The following XKR4 variants were observed in gnomAD, a reference collection of about 807,000 sequenced individuals.
XKR4 encodes XK related 4, also known as XK-related protein 4.
A neutral mutation model predicts 53.9 loss-of-function variants in XKR4; 12 were observed. The observed-to-expected ratio is 0.22, with a 90% CI of 0.14 to 0.36. The LOEUF is 0.36. Among genes scored for constraint, XKR4 ranks in the 10% least tolerant of loss-of-function variants. The pLI, the probability that XKR4 is intolerant of heterozygous loss-of-function variation, is 1.00. For synonymous variants in XKR4, 354 were observed against 362.4 expected, an observed-to-expected ratio of 0.98 and a Z score of 0.26; for missense variants, 799 against 859.5, an observed-to-expected ratio of 0.93 and a Z score of 0.88.
chr8:55,150,743 A>T (rs561148140), intron 1 of XKR4, among the ~76,000 whole-genome samples: 1 of 152,148 alleles, frequency 6.6e-6, no homozygotes, highest in East Asian at 1.9e-4. Context: ...ACAGCCATTT[A>T]TGTGTTTTTA....
chr8:55,339,300 C>A (rs904364171), intron 1 of XKR4, among the ~76,000 whole-genome samples: 12 of 152,180 alleles, frequency 7.9e-5, no homozygotes, highest in African/African-American at 2.9e-4. Flanking sequence ...TCTAACCCCC[C>A]TACAGTGAAG....
At chr8:55,192,320 G>A (rs540620526) in intron 1 of XKR4, among the ~76,000 whole-genome samples, 192 of 151,330 alleles carry the variant, frequency 1.3e-3, no homozygotes, top group Middle Eastern at 3.5e-3. Flanking sequence ...TAAGATAGAA[G>A]GGATATTTTC....
chr8:55,315,529 C>A (rs1160004585), intron 1 of XKR4, among the ~76,000 whole-genome samples: 1 of 152,160 alleles, frequency 6.6e-6, no homozygotes, highest in African/African-American at 2.4e-5. Context: ...ATGGGAATAA[C>A]TTGCCTGTAG....
At chr8:55,273,681 A>T (rs906748967) in intron 1 of XKR4, among the ~76,000 whole-genome samples, 69 of 151,314 alleles carry the variant, frequency 4.6e-4, no homozygotes, top group African/African-American at 1.6e-3. Context: ...GACAGCTCCG[A>T]CTCCCTATGA....
intron 2 of XKR4, among the ~76,000 whole-genome samples, chr8:55,503,528 T>C (rs561290761): frequency 1.1e-4 from 17 of 152,210 alleles, no homozygotes; most frequent in Non-Finnish European, 2.4e-4. Flanking sequence ...TGTTAGCATA[T>C]AGAAGCACAA....
At chr8:55,298,841 G>C (rs543265794) in intron 1 of XKR4, among the ~76,000 whole-genome samples, 1 of 152,180 alleles carries the variant, frequency 6.6e-6, no homozygotes, top group East Asian at 1.9e-4. Context: ...TTTTTTCTGA[G>C]CTATTCGAGA....
intron 2 of XKR4, among the ~76,000 whole-genome samples, chr8:55,469,645 T>C (rs1017987072): frequency 6.6e-6 from 1 of 152,004 alleles, no homozygotes; most frequent in African/African-American, 2.4e-5. Flanking sequence ...TTAAAAAAAA[T>C]TAAAAATCTA....
At chr8:55,386,025 C>G (rs1386095423) in intron 2 of XKR4, among the ~76,000 whole-genome samples, 1 of 152,094 alleles carries the variant, frequency 6.6e-6, no homozygotes, top group African/African-American at 2.4e-5. Flanking sequence ...TAAAATGAGT[C>G]TGAAGGCAGA....
At chr8:55,182,962 C>T (rs190532034) in intron 1 of XKR4, among the ~76,000 whole-genome samples, 12 of 152,012 alleles carry the variant, frequency 7.9e-5, no homozygotes, top group African/African-American at 2.4e-4. Context: ...TGTCTTAAAA[C>T]GTTTGTAATG....
intron 1 of XKR4, among the ~76,000 whole-genome samples, chr8:55,326,679 C>A (rs1803299800): frequency 6.6e-6 from 1 of 151,564 alleles, no homozygotes; most frequent in South Asian, 2.1e-4. Flanking sequence ...CCATGTTGCC[C>A]AAGCTGGTTT....
chr8:55,104,127 G>T (rs566171357), intron 1 of XKR4, among the ~76,000 whole-genome samples: 17 of 152,022 alleles, frequency 1.1e-4, no homozygotes, highest in Non-Finnish European at 2.4e-4. Flanking sequence ...GTTATAAACT[G>T]GAATACAAGG....
chr8:55,270,494 G>A (rs890288073), intron 1 of XKR4, among the ~76,000 whole-genome samples: 1 of 152,088 alleles, frequency 6.6e-6, no homozygotes, highest in Non-Finnish European at 1.5e-5. Flanking sequence ...ACCTCGTGTT[G>A]TTGTCTATCT....
rs1372193627 is a variant in XKR4 at position 55,357,716 on chromosome 8, A to C, written c.845A>C (p.Gln282Pro). The C allele has an allele frequency of 6.2e-7, 1 of 1,614,232 alleles. No individual in the cohort carries two copies. The highest frequency in any genetic ancestry group is 1.1e-5 in the South Asian group (1 of 91,090). The change falls in exon 2 of 3, where the codon CAG (glutamine) becomes CCG (proline). Residue 282 changes from glutamine to proline, a missense_variant. Physicochemically the swap from Gln to Pro is moderately conservative, Grantham distance 76. This residue lies in a region of XKR4 where 476 missense variants were observed against 505.4 expected (regional missense o/e 0.94). Coordinates refer to ENST00000327381, the MANE Select transcript of XKR4 (RefSeq NM_052898.2). ...HTIYLGIRSR[Q>P]SGENDRWRFY... ...ATATACTTAGGTATTCGAAGCCGAC[A>C]GAGTGGGGAGAATGACAGATGGAGG...
intron 1 of XKR4, among the ~76,000 whole-genome samples, chr8:55,343,439 C>T (rs914033870): frequency 1.3e-5 from 2 of 152,202 alleles, no homozygotes; most frequent in Non-Finnish European, 2.9e-5. Flanking sequence ...AGATGCTTTC[C>T]TCCTATTGAA....
At chr8:55,267,109 G>A (rs1818615162) in intron 1 of XKR4, among the ~76,000 whole-genome samples, 1 of 152,194 alleles carries the variant, frequency 6.6e-6, no homozygotes, top group Non-Finnish European at 1.5e-5. Flanking sequence ...AGAGCATGAG[G>A]ATGGTGAGGA....
intron 2 of XKR4, among the ~76,000 whole-genome samples, chr8:55,367,428 T>G (rs1804007199): frequency 6.6e-6 from 1 of 152,228 alleles, no homozygotes; most frequent in Non-Finnish European, 1.5e-5. Flanking sequence ...AATGTTACTA[T>G]TGAATATTTT....
chr8:55,446,985 T>C (rs1156273297), intron 2 of XKR4, among the ~76,000 whole-genome samples: 1 of 151,020 alleles, frequency 6.6e-6, no homozygotes, highest in Non-Finnish European at 1.5e-5. Flanking sequence ...TCATTAACCC[T>C]AGAGAAGTAA....
Position 55,177,618 on chromosome 8 carries a change from T to C in XKR4, c.806+74324T>C, listed in dbSNP as rs377651225. 3.9e-5 allele frequency among the ~76,000 whole-genome samples: 6 copies of C among 152,336 alleles called. No individual in the cohort carries two copies. The East Asian group carries it at 1.2e-3, about 29-fold the overall frequency. Reference sequence around the variant, plus strand: ...GCAGGCCTGTGAGCCCTGGCAGACATACTCCTGCTGGGAGGAAACATGTTC... The same window carrying C: ...GCAGGCCTGTGAGCCCTGGCAGACACACTCCTGCTGGGAGGAAACATGTTC... On this transcript the variant is annotated intron_variant, in intron 1 of 2. Transcript: ENST00000327381.
chr8:55,510,590 G>T (rs1424474945), intron 2 of XKR4, among the ~76,000 whole-genome samples: 1 of 152,034 alleles, frequency 6.6e-6, no homozygotes, highest in Non-Finnish European at 1.5e-5. Flanking sequence ...CCAAAGCCCT[G>T]CAGGGCCCCA....
Sources: allele counts gnomAD v4.1 joint callset (sites outside exome capture counted in the v4.1 genomes callset), GRCh38; gene constraint gnomAD v4.1.1; regional missense constraint gnomAD v4.1.1; transcripts MANE v1.5; gene names NCBI Gene and HGNC (gene_info 2026-07-23, HGNC 2026-07-21).